TNR: variants seen among roughly 807,000 people sequenced by gnomAD.
TNR encodes tenascin-R.
A neutral mutation model predicts 150.4 loss-of-function variants in TNR; 45 were observed. The observed-to-expected ratio is 0.30, with a 90% CI of 0.24 to 0.38. The LOEUF is 0.38. TNR is among the 10% of genes least tolerant of loss of function. The probability of loss-of-function intolerance (pLI) is 1.00; values close to 1 mark genes in which losing one functional copy is unlikely to be tolerated. For synonymous variants in TNR, 687 were observed against 678.4 expected, an observed-to-expected ratio of 1.01 and a Z score of -0.20; for missense variants, 1,544 against 1,759.1, an observed-to-expected ratio of 0.88 and a Z score of 2.19.
rs758610631 is a variant in TNR, at chr1:175,359,139, C to CTTT, written c.2974+470_2974+472dup. On this transcript the variant is annotated intron_variant, in intron 15 of 22. Coordinates refer to ENST00000367674, the MANE Select transcript of TNR (RefSeq NM_003285.3). ...AGTTTGCAGAGTTTGGGGATATCTT[C>CTTT]TTTTTTTTTTTTTTTTTTTTTTTTT... is the stretch of plus-strand genomic sequence containing the variant. 5.9e-3 allele frequency among the ~76,000 whole-genome samples: 248 copies of CTTT among 42,068 alleles called. 10 individuals carry two copies. The highest frequency in any genetic ancestry group is 0.025 in the Middle Eastern group (1 of 40). 27.6% of individuals were successfully genotyped at this position (42,068 alleles called of 152,430 possible). A position where few individuals can be genotyped will look rare whatever the true frequency, so the allele number is the denominator to read the frequency against.
intron 1 of TNR, among the ~76,000 whole-genome samples, chr1:175,723,688 A>G (rs538559130): frequency 1.3e-5 from 2 of 152,166 alleles, no homozygotes; most frequent in Non-Finnish European, 2.9e-5. Context: ...CCTGGCCAAC[A>G]TGGTGAAACC....
chr1:175,739,722 G>A (rs948755364), intron 1 of TNR, among the ~76,000 whole-genome samples: 2 of 152,110 alleles, frequency 1.3e-5, no homozygotes, highest in African/African-American at 4.8e-5. Flanking sequence ...TAAATAAAGA[G>A]AAACGGCACC....
chr1:175,703,144 T>C (rs571000566), intron 1 of TNR, among the ~76,000 whole-genome samples: 39 of 152,328 alleles, frequency 2.6e-4, no homozygotes, highest in African/African-American at 8.9e-4. Flanking sequence ...AATATATAAA[T>C]GTTAAAAATA....
intron 12 of TNR, 46 bp from the exon 13 acceptor site, chr1:175,363,873 T>C: frequency 6.4e-7 from 1 of 1,572,614 alleles, no homozygotes; most frequent in African/African-American, 1.4e-5. Flanking sequence ...AAGCACAGTG[T>C]GAAAAAGAAA....
At chr1:175,469,770 T>C (rs1291478990) in intron 2 of TNR, among the ~76,000 whole-genome samples, 1 of 152,044 alleles carries the variant, frequency 6.6e-6, no homozygotes, top group Non-Finnish European at 1.5e-5. Context: ...ACCTGGGTTT[T>C]AGACTTGGGT....
intron 16 of TNR, among the ~76,000 whole-genome samples, 156 bp downstream of exon 16, chr1:175,356,163 G>A (rs1229796609): frequency 6.6e-6 from 1 of 152,108 alleles, no homozygotes; most frequent in African/African-American, 2.4e-5. Flanking sequence ...TTGCAGCTTA[G>A]TTTCACTGAA....
At chr1:175,693,278 C>A (rs1343101416) in intron 1 of TNR, among the ~76,000 whole-genome samples, 1 of 152,234 alleles carries the variant, frequency 6.6e-6, no homozygotes, top group Non-Finnish European at 1.5e-5. Context: ...CAAACACCCT[C>A]CACCATCCAC....
chr1:175,729,764 A>G (rs946049358), intron 1 of TNR, among the ~76,000 whole-genome samples: 1 of 152,194 alleles, frequency 6.6e-6, no homozygotes, highest in Non-Finnish European at 1.5e-5. Context: ...AACTGGCCTT[A>G]GGTTGTTAAA....
intron 7 of TNR, among the ~76,000 whole-genome samples, chr1:175,387,866 C>T (rs772235276): frequency 6.6e-5 from 10 of 152,140 alleles, no homozygotes; most frequent in South Asian, 2.1e-4. Flanking sequence ...TCCCTCTTTC[C>T]GGGTCTTAGC....
chr1:175,337,401 G>A, intron 19 of TNR, 127 bp downstream of exon 19: 1 of 1,123,150 alleles, frequency 8.9e-7, no homozygotes, highest in Non-Finnish European at 1.3e-6. Flanking sequence ...GGAGCCCCAA[G>A]ATGGACATGT....
chr1:175,396,936 A>G, intron 4 of TNR, 129 bp from the exon 5 acceptor site: 1 of 1,221,194 alleles, frequency 8.2e-7, no homozygotes, highest in East Asian at 2.4e-5. Context: ...AATGGCTTTA[A>G]GTGATTTGTA....
At chr1:175,357,631 A>C (rs1025727251) in intron 15 of TNR, among the ~76,000 whole-genome samples, 1 of 152,040 alleles carries the variant, frequency 6.6e-6, no homozygotes, top group African/African-American at 2.4e-5. Flanking sequence ...TTTTTCTTGA[A>C]ATTCCCTTTC....
At chr1:175,365,420 C>T (rs1571342951) in intron 11 of TNR, 141 bp from the exon 12 acceptor site, 3 of 940,530 alleles carry the variant, frequency 3.2e-6, no homozygotes, top group East Asian at 2.7e-5. Flanking sequence ...GATTCCACCT[C>T]CTCACCCTCC....
intron 2 of TNR, among the ~76,000 whole-genome samples, chr1:175,527,710 T>C (rs1163079478): frequency 6.6e-6 from 1 of 152,198 alleles, no homozygotes; most frequent in Non-Finnish European, 1.5e-5. Flanking sequence ...TTAGAGGTTA[T>C]TATTTCAACC....
chr1:175,371,489 C>T (rs1652104018), intron 9 of TNR, among the ~76,000 whole-genome samples: 1 of 152,158 alleles, frequency 6.6e-6, no homozygotes, highest in African/African-American at 2.4e-5. Context: ...GAAAAGGAAT[C>T]TGTGCTAAAA....
At chr1:175,365,792 G>T in intron 11 of TNR, 83 bp downstream of exon 11, 1 of 1,533,778 alleles carries the variant, frequency 6.5e-7, no homozygotes, top group Non-Finnish European at 8.8e-7. Flanking sequence ...TGGAACATTG[G>T]AAGAGTGACT....
chr1:175,529,357 C>A (rs1269058783), intron 1 of TNR, among the ~76,000 whole-genome samples: 1 of 152,184 alleles, frequency 6.6e-6, no homozygotes, highest in Non-Finnish European at 1.5e-5. Context: ...AATTAACCTT[C>A]CCTGGAGGAC....
chr1:175,562,869 T>C (rs1661485806), intron 1 of TNR, among the ~76,000 whole-genome samples: 1 of 152,204 alleles, frequency 6.6e-6, no homozygotes, highest in South Asian at 2.1e-4. Context: ...TAACCTGAGG[T>C]ATTGGCTGTG....
chr1:175,493,750 G>A (rs1658356263), intron 2 of TNR, among the ~76,000 whole-genome samples: 1 of 152,234 alleles, frequency 6.6e-6, no homozygotes, highest in Admixed American at 6.5e-5. Flanking sequence ...CCCAAGCCAT[G>A]GGAGCCGGTG....
Sources: allele counts gnomAD v4.1 joint callset (sites outside exome capture counted in the v4.1 genomes callset), GRCh38; gene constraint gnomAD v4.1.1; transcripts MANE v1.5; gene names NCBI Gene and HGNC (gene_info 2026-07-23, HGNC 2026-07-21).